The following ZNF66 variants were observed in gnomAD, a reference collection of about 807,000 sequenced individuals.
The protein encoded by ZNF66 is putative zinc finger protein 66.
ZNF66 carries 32 observed loss-of-function variants against 35.2 expected under a neutral mutation model. That is an observed-to-expected ratio of 0.91 (90% CI 0.69 to 1.22). ZNF66 has a LOEUF of 1.22. Ranked by LOEUF, ZNF66 falls within the 50% of genes most tolerant of loss-of-function variation. ZNF66 has a pLI of 0.00. For missense variants in ZNF66, 666 were observed against 543.1 expected, an observed-to-expected ratio of 1.23 and a Z score of -2.25; for synonymous variants, 231 against 181.3, an observed-to-expected ratio of 1.27 and a Z score of -2.20.
chr19:20,791,275 A>C (rs1368544802), intron 1 of ZNF66, among the ~76,000 whole-genome samples: 1 of 152,178 alleles, frequency 6.6e-6, no homozygotes, highest in Admixed American at 6.5e-5. Flanking sequence ...GCCTGAAGTC[A>C]GGAATTCGAG....
At chr19:20,799,987 AAC>A (rs1212597304) in intron 3 of ZNF66, among the ~76,000 whole-genome samples, 3 of 152,188 alleles carry the variant, frequency 2.0e-5, no homozygotes. Context: ...TTTGTTAGAA[AAC>A]ACACAGTGTA....
chr19:20,780,314 T>TTATCCA (rs1158045365), intron 1 of ZNF66, among the ~76,000 whole-genome samples: 1 of 152,176 alleles, frequency 6.6e-6, no homozygotes, highest in Non-Finnish European at 1.5e-5. Context: ...GTATTATCTA[T>TTATCCA]GTGTTTCATC....
At chr19:20,785,369 C>G (rs192604316) in intron 1 of ZNF66, among the ~76,000 whole-genome samples, 1 of 152,218 alleles carries the variant, frequency 6.6e-6, no homozygotes, top group East Asian at 1.9e-4. Context: ...CCTATTCAAC[C>G]ATTTTTGTAG....
chr19:20,802,312 A>G lies in ZNF66; in HGVS notation c.227-3515A>G, dbSNP rs117981801. Among the ~76,000 whole-genome samples, 1,120 of 152,292 alleles carry G rather than the reference A, an allele frequency of 7.4e-3. 6 individuals are homozygous for G. The highest frequency in any genetic ancestry group is 0.018 in the South Asian group (88 of 4,824). ...AAATCTGTAGATTAAATTGAGCAGT[A>G]CAGACATCTTCACAATATTAATTAT... On this transcript the variant is annotated intron_variant, in intron 3 of 3. Coordinates refer to ENST00000344519, the MANE Select transcript of ZNF66 (RefSeq NM_001355197.2).
Position 20,805,881 on chromosome 19 carries a change from C to A in ZNF66, c.281C>A (p.Ser94Tyr), listed in dbSNP as rs772887007. 3.1e-6 allele frequency: 2 copies of A among 651,032 alleles called. No individual in the cohort carries two copies. The highest frequency in any genetic ancestry group is 5.6e-6 in the Non-Finnish European group (2 of 359,328). 40.3% of individuals were successfully genotyped at this position (651,032 alleles called of 1,614,324 possible). ...TGGCCAGAGCAGAGCATAAAAGATTCTTTCCAAAAACTGATACTGAGAAGG... is the reference window on the plus strand; with the variant it reads ...TGGCCAGAGCAGAGCATAAAAGATTATTTCCAAAAACTGATACTGAGAAGG... The part of the protein sequence containing the change: ...DLWPEQSIKD[S>Y]FQKLILRRHK... Residue 94 changes from serine to tyrosine, a missense_variant, in exon 4 of 4, where the codon TCT becomes TAT. Coordinates refer to ENST00000344519, the MANE Select transcript of ZNF66 (RefSeq NM_001355197.2).
At chr19:20,791,476 A>C (rs1184287498) in intron 1 of ZNF66, among the ~76,000 whole-genome samples, 1 of 142,506 alleles carries the variant, frequency 7.0e-6, no homozygotes, top group Non-Finnish European at 1.5e-5. Flanking sequence ...CAAGAGTGAG[A>C]CTTAATCTCA....
chr19:20,790,680 C>T (rs1339394967), intron 1 of ZNF66, among the ~76,000 whole-genome samples: 1 of 152,012 alleles, frequency 6.6e-6, no homozygotes, highest in African/African-American at 2.4e-5. Flanking sequence ...GGCATATTCT[C>T]AAGATGCAGG....
chr19:20,789,392 C>G (rs1971315949), intron 1 of ZNF66, among the ~76,000 whole-genome samples: 1 of 152,070 alleles, frequency 6.6e-6, no homozygotes, highest in South Asian at 2.1e-4. Context: ...TGTTGCCTTT[C>G]TAGAGCTGGT....
rs1408478536 is a variant in ZNF66 at position 20,776,421 on chromosome 19, A to T, written c.-27A>T. The T allele has an allele frequency of 1.3e-6, 2 of 1,556,944 alleles. No individual in the cohort carries two copies. The highest frequency in any genetic ancestry group is 1.8e-6 in the Non-Finnish European group (2 of 1,130,076). On this transcript the variant is annotated 5_prime_UTR_variant, in exon 1 of 4. Coordinates refer to ENST00000344519, the MANE Select transcript of ZNF66 (RefSeq NM_001355197.2). Reference sequence around the variant, plus strand: ...AGGTATTGGGAGATCCACAGCTAAGACGCCAGGACCCCCTGGAAGCCTAGA... The same window carrying T: ...AGGTATTGGGAGATCCACAGCTAAGTCGCCAGGACCCCCTGGAAGCCTAGA...
intron 1 of ZNF66, among the ~76,000 whole-genome samples, chr19:20,790,646 A>G (rs1971328366): frequency 1.3e-5 from 2 of 149,150 alleles, no homozygotes; most frequent in African/African-American, 5.0e-5. Flanking sequence ...TAGCTGGTAA[A>G]CATGTGGCAC....
chr19:20,784,610 T>A (rs1022073100), intron 1 of ZNF66: 14 of 152,190 alleles, frequency 9.2e-5, no homozygotes, highest in African/African-American at 3.4e-4. Context: ...AAAGTGTTGT[T>A]TGAAGTTGTC....
chr19:20,805,439 A>G (rs184437051), intron 3 of ZNF66, among the ~76,000 whole-genome samples: 14 of 152,138 alleles, frequency 9.2e-5, no homozygotes, highest in Admixed American at 5.9e-4. Flanking sequence ...TGATCAACCC[A>G]TGTCAGCCTC....
At chr19:20,781,062 G>C (rs1188132084) in intron 1 of ZNF66, among the ~76,000 whole-genome samples, 2 of 152,152 alleles carry the variant, frequency 1.3e-5, no homozygotes, top group Admixed American at 1.3e-4. Flanking sequence ...TAAATCTGCA[G>C]CAGCAACCAG....
chr19:20,806,903 A>T lies in ZNF66; in HGVS notation c.1303A>T (p.Ser435Cys), dbSNP rs781380449. ...YKCEECGKAF[S>C]RSSILTTHKI... is the part of the protein sequence containing the mutation. ...ATGTGAAGAATGTGGCAAAGCCTTC[A>T]GTCGGTCCTCTATTCTTACTACACA... Residue 435 changes from serine to cysteine, a missense_variant, in exon 4 of 4, where the codon AGT becomes TGT. Transcript: ENST00000344519. 7.7e-7 allele frequency: 1 copy of T among 1,297,208 alleles called. No individual in the cohort carries two copies. Among genetic ancestry groups the T allele is most frequent in the Non-Finnish European group, 1.1e-6 (1 of 893,454 alleles). 80.4% of individuals were successfully genotyped at this position (1,297,208 alleles called of 1,614,324 possible).
intron 1 of ZNF66, among the ~76,000 whole-genome samples, chr19:20,782,947 T>G (rs1971257582): frequency 6.6e-6 from 1 of 152,216 alleles, no homozygotes; most frequent in African/African-American, 2.4e-5. Context: ...TAGAATGGTG[T>G]TTCTTAGGTT....
intron 2 of ZNF66, 23 bp from the exon 3 acceptor site, chr19:20,793,760 G>C (rs1971363917): frequency 2.4e-6 from 2 of 850,222 alleles, no homozygotes; most frequent in East Asian, 5.8e-5. Context: ...CAAGATTCAT[G>C]TTATTTATTT....
chr19:20,787,378 G>A (rs1047898742), intron 1 of ZNF66, among the ~76,000 whole-genome samples: 18 of 152,152 alleles, frequency 1.2e-4, no homozygotes, highest in African/African-American at 4.3e-4. Context: ...CTTCATGAGG[G>A]GATCTCTACT....
chr19:20,778,053 C>G (rs1457856157), intron 1 of ZNF66, among the ~76,000 whole-genome samples: 1 of 152,006 alleles, frequency 6.6e-6, no homozygotes, highest in Non-Finnish European at 1.5e-5. Flanking sequence ...AAACATGGTA[C>G]CTTCTAGAAG....
Position 20,776,319 on chromosome 19 carries a change from T to C in ZNF66, c.-129T>C. 8 of 1,412,006 alleles carry C rather than the reference T, an allele frequency of 5.7e-6. No homozygotes were observed. Among genetic ancestry groups the C allele is most frequent in the Non-Finnish European group, 2.0e-6 (2 of 1,002,026 alleles). The allele number at this position is 1,412,006 out of a possible 1,614,324, so 87.5% of individuals were successfully genotyped here. A position where few individuals can be genotyped will look rare whatever the true frequency, so the allele number is the denominator to read the frequency against. On this transcript the variant is annotated 5_prime_UTR_variant, in exon 1 of 4. Coordinates refer to ENST00000344519, the MANE Select transcript of ZNF66 (RefSeq NM_001355197.2). ...CGGGGTCTTTGTCTCTCCCTGCAGC[T>C]GGAGCTCCAGGTCGTCTGTTCACTG...
Sources: allele counts gnomAD v4.1 joint callset (sites outside exome capture counted in the v4.1 genomes callset), GRCh38; gene constraint gnomAD v4.1.1; transcripts MANE v1.5; gene names NCBI Gene and HGNC (gene_info 2026-07-23, HGNC 2026-07-21).